Variants in CFAP43 observed in about 807,000 individuals in gnomAD.
CFAP43 encodes cilia- and flagella-associated protein 43.
A neutral mutation model predicts 218.9 loss-of-function variants in CFAP43; 155 were observed. That is an observed-to-expected ratio of 0.71 (90% CI 0.62 to 0.81). CFAP43 has a LOEUF of 0.81. Among genes scored for constraint, CFAP43 ranks in the 30% least tolerant of loss-of-function variants. The pLI is 0.00. For synonymous variants in CFAP43, 645 were observed against 681.3 expected (o/e 0.95, Z 0.83); for missense variants, 1,778 against 1,954.3 (o/e 0.91, Z 1.70).
In CFAP43 at chr10:104,203,784, A is replaced by T; in HGVS notation, c.983T>A (p.Phe328Tyr). 6.2e-7 allele frequency: 1 copy of T among 1,606,014 alleles called. No individual in the cohort carries two copies. The highest frequency in any genetic ancestry group is 8.5e-7 in the Non-Finnish European group (1 of 1,177,206). ...ASGIDGFVYS[F>Y]IIKDRSYMIE... is the part of the protein sequence containing the mutation. ...CATGTAACTTCTATCTTTAATAATAAAAGAATACACAAAGCCATCCTAGAG... is the reference window on the plus strand; with the variant it reads ...CATGTAACTTCTATCTTTAATAATATAAGAATACACAAAGCCATCCTAGAG... Residue 328 changes from phenylalanine (F) to tyrosine (Y), a missense_variant, in exon 8 of 38, where the codon TTT becomes TAT. Phe to Tyr is a conservative substitution (Grantham distance 22). Transcript: ENST00000357060.
intron 27 of CFAP43, among the ~76,000 whole-genome samples, chr10:104,156,060 G>A (rs995563739): frequency 1.3e-5 from 2 of 152,162 alleles, no homozygotes; most frequent in Non-Finnish European, 2.9e-5. Flanking sequence ...AAGGGCAGAG[G>A]TGTGGTCTCA....
chr10:104,153,394 T>A (rs896286306), intron 27 of CFAP43, among the ~76,000 whole-genome samples: 5 of 152,170 alleles, frequency 3.3e-5, no homozygotes, highest in Non-Finnish European at 7.4e-5. Flanking sequence ...CATTAAAAAA[T>A]AACTAAAAGA....
chr10:104,230,446 C>CA, intron 2 of CFAP43, 144 bp downstream of exon 2: 1 of 1,081,062 alleles, frequency 9.3e-7, no homozygotes, highest in East Asian at 2.7e-5. Flanking sequence ...GCCTAGGCAA[C>CA]AGGGCAAAAC....
At chr10:104,161,002 T>C (rs536473199) in intron 27 of CFAP43, 35 bp downstream of exon 27, 1 of 1,564,384 alleles carries the variant, frequency 6.4e-7, no homozygotes, top group East Asian at 2.3e-5. Flanking sequence ...GCACTCTGGA[T>C]ATGGTAGGTT....
chr10:104,203,135 T>C (rs909373370), intron 8 of CFAP43, among the ~76,000 whole-genome samples: 4 of 152,172 alleles, frequency 2.6e-5, no homozygotes, highest in Middle Eastern at 6.3e-3. Flanking sequence ...TTTAAGTGGG[T>C]TGACTCTACC....
At chr10:104,222,713 T>C (rs1206217912) in intron 3 of CFAP43, among the ~76,000 whole-genome samples, 2 of 152,114 alleles carry the variant, frequency 1.3e-5, no homozygotes, top group Non-Finnish European at 2.9e-5. Context: ...TACCTACCCA[T>C]AGTCTCAGTC....
chr10:104,145,809 A>C (rs1310605226), intron 30 of CFAP43, among the ~76,000 whole-genome samples: 1 of 152,228 alleles, frequency 6.6e-6, no homozygotes, highest in African/African-American at 2.4e-5. Flanking sequence ...ATCATCCAGA[A>C]GTTTCCCAAA....
chr10:104,147,418 T>C (rs2088029272), intron 29 of CFAP43, among the ~76,000 whole-genome samples: 1 of 152,086 alleles, frequency 6.6e-6, no homozygotes, highest in African/African-American at 2.4e-5. Context: ...ATGAACCATA[T>C]CTATCCAAGC....
chr10:104,197,525 C>T (rs2090413813), intron 9 of CFAP43, among the ~76,000 whole-genome samples: 1 of 152,050 alleles, frequency 6.6e-6, no homozygotes, highest in African/African-American at 2.4e-5. Flanking sequence ...TGCTGCATTA[C>T]CTGGAAAAAA....
At chr10:104,142,656 C>T (rs753532405) in intron 32 of CFAP43, among the ~76,000 whole-genome samples, 6 of 152,024 alleles carry the variant, frequency 3.9e-5, no homozygotes, top group Non-Finnish European at 5.9e-5. Context: ...AATTTGTTCT[C>T]ATCACTTTAA....
At chr10:104,194,104 G>C in intron 10 of CFAP43, 90 bp from the exon 11 acceptor site, 1 of 1,473,392 alleles carries the variant, frequency 6.8e-7, no homozygotes. Flanking sequence ...TGAAAAGCCT[G>C]CAGGATGAGA....
intron 14 of CFAP43, 115 bp downstream of exon 14, chr10:104,187,205 G>T: frequency 1.4e-6 from 1 of 722,620 alleles, no homozygotes; most frequent in Admixed American, 4.0e-5. Flanking sequence ...TAAAATGAAG[G>T]CATTTGTTAA....
chr10:104,148,043 T>G (rs770008691), intron 28 of CFAP43, 45 bp from the exon 29 acceptor site: 50 of 1,261,196 alleles, frequency 4.0e-5, no homozygotes, highest in Non-Finnish European at 5.5e-5. Flanking sequence ...TACTTCCACC[T>G]GAGACAATAT....
intron 11 of CFAP43, 173 bp from the exon 12 acceptor site, chr10:104,192,475 T>TTTAGGATATAAA (rs767892132): frequency 2.9e-5 from 17 of 590,476 alleles, no homozygotes; most frequent in Non-Finnish European, 5.0e-5. Flanking sequence ...GATATAATCA[T>TTTAGGATATAAA]TGTACTTTAG....
At chr10:104,141,085 G>C (rs925655403) in intron 33 of CFAP43, 84 bp from the exon 34 acceptor site, 5 of 1,377,230 alleles carry the variant, frequency 3.6e-6, no homozygotes, top group Non-Finnish European at 4.9e-6. Context: ...AATCGAATCA[G>C]CTTAAGGAAA....
chr10:104,142,288 G>A lies in CFAP43; in HGVS notation c.4264C>T (p.Leu1422Phe), dbSNP rs1411845442. The A allele has an allele frequency of 2.5e-6, 4 of 1,612,354 alleles. No individual in the cohort carries two copies. Among genetic ancestry groups the A allele is most frequent in the Non-Finnish European group, 3.4e-6 (4 of 1,179,008 alleles). ...AAGAAAGCTTCAAATTACAGGATGA[G>A]TTCATGGAACACTCTCTCAATCTCC... ...QQEIERVFHELILLQEEKVRF... is the reference protein window; with the variant it reads ...QQEIERVFHEFILLQEEKVRF... The change falls in exon 33 of 38, where the codon CTC (leucine) becomes TTC (phenylalanine). Residue 1422 changes from leucine (L) to phenylalanine (F), a missense_variant. Leu to Phe is a conservative substitution (Grantham distance 22, BLOSUM62 0). Transcript: ENST00000357060.
chr10:104,232,284 G>C lies in CFAP43; in HGVS notation c.-38C>G, dbSNP rs767047124. 1 of 1,565,812 alleles carries C rather than the reference G, an allele frequency of 6.4e-7. No homozygotes were observed. ...CCTCAGGCGGGAGCAGGCAGCGCACGCAGCACCCCAGGGCGGGTCGGTTAC... is the reference window on the plus strand; with the variant it reads ...CCTCAGGCGGGAGCAGGCAGCGCACCCAGCACCCCAGGGCGGGTCGGTTAC... On this transcript the variant is annotated 5_prime_UTR_variant, in exon 1 of 38. Transcript: ENST00000357060.
intron 24 of CFAP43, 63 bp from the exon 25 acceptor site, chr10:104,162,466 C>T: frequency 2.1e-6 from 3 of 1,418,766 alleles, no homozygotes; most frequent in Admixed American, 3.3e-5. Context: ...ACTTTCCTTC[C>T]ACATACTGGG....
At chr10:104,184,889 A>G in intron 16 of CFAP43, 127 bp downstream of exon 16, 1 of 1,415,744 alleles carries the variant, frequency 7.1e-7, no homozygotes, top group Non-Finnish European at 9.3e-7. Flanking sequence ...ATCTGTGAGT[A>G]TAACAAACTT....
Sources: gnomAD v4.1 joint callset for allele counts (sites outside exome capture counted in the v4.1 genomes callset) on GRCh38, gnomAD v4.1.1 for gene constraint, MANE v1.5 for transcripts, NCBI Gene and HGNC (gene_info 2026-07-23, HGNC 2026-07-21) for gene names.